The following NRG1 variants were observed in gnomAD, a reference collection of about 807,000 sequenced individuals.
NRG1 encodes the protein pro-neuregulin-1, membrane-bound isoform.
A neutral mutation model predicts 63.8 loss-of-function variants in NRG1; 18 were observed. The ratio of observed to expected loss-of-function variants is 0.28; its 90% CI spans 0.19 to 0.42. The LOEUF is 0.42. Ranked by LOEUF, NRG1 falls within the 10% of genes least tolerant of loss-of-function variation. The probability of loss-of-function intolerance (pLI) is 1.00; values close to 1 mark genes in which losing one functional copy is unlikely to be tolerated. For synonymous variants in NRG1, 302 were observed against 301.3 expected (o/e 1.00, Z -0.02); for missense variants, 762 against 814.7 (o/e 0.94, Z 0.79).
At chr8:32,217,736 T>C (rs1356676938) in intron 1 of NRG1, among the ~76,000 whole-genome samples, 1 of 152,194 alleles carries the variant, frequency 6.6e-6, no homozygotes. Flanking sequence ...TTTTAAAAAC[T>C]CAACTTACAA....
chr8:31,647,498 C>T (rs1168569404), intron 1 of NRG1, among the ~76,000 whole-genome samples: 3 of 152,286 alleles, frequency 2.0e-5, no homozygotes, highest in African/African-American at 2.4e-5. Flanking sequence ...GGGAGCATCC[C>T]GTCTGTACCT....
intron 1 of NRG1, among the ~76,000 whole-genome samples, chr8:31,734,675 TC>T (rs1232751880): frequency 2.0e-5 from 3 of 152,178 alleles, no homozygotes; most frequent in African/African-American, 7.2e-5. Flanking sequence ...CATTATATTT[TC>T]CCCCAGTTTT....
intron 5 of NRG1, among the ~76,000 whole-genome samples, chr8:32,718,544 A>G (rs1379623202): frequency 6.6e-6 from 1 of 152,150 alleles, no homozygotes; most frequent in Non-Finnish European, 1.5e-5. Flanking sequence ...TTCATGGCCT[A>G]CATATTAAAC....
intron 1 of NRG1, among the ~76,000 whole-genome samples, chr8:32,419,655 A>C (rs6981950): frequency 0.26 from 40,066 of 152,154 alleles, 5,569 homozygotes; most frequent in Middle Eastern, 0.35. Context: ...TTTTTTTGTT[A>C]ATAGATTTTA....
intron 1 of NRG1, among the ~76,000 whole-genome samples, chr8:32,399,144 GATT>G (rs1391499667): frequency 6.6e-6 from 1 of 152,060 alleles, no homozygotes; most frequent in African/African-American, 2.4e-5. Flanking sequence ...ATCTTGCCCT[GATT>G]ATTTTTTCAT....
chr8:32,582,696 C>T (rs1840881262), intron 1 of NRG1, among the ~76,000 whole-genome samples: 2 of 152,182 alleles, frequency 1.3e-5, no homozygotes, highest in Non-Finnish European at 1.5e-5. Flanking sequence ...AACCTGACTT[C>T]AAAGCCCAAG....
At chr8:31,866,273 CTGAGGAAAA>C (rs1447641878) in intron 1 of NRG1, among the ~76,000 whole-genome samples, 6 of 152,094 alleles carry the variant, frequency 3.9e-5, no homozygotes, top group African/African-American at 1.4e-4. Context: ...TGAGAGGGGA[CTGAGGAAAA>C]GTATTGCCCA....
intron 1 of NRG1, among the ~76,000 whole-genome samples, chr8:32,004,705 C>G (rs1246904345): frequency 7.2e-5 from 11 of 151,808 alleles, no homozygotes; most frequent in African/African-American, 2.7e-4. Context: ...AGGTATATTA[C>G]TTATAAATAA....
chr8:32,196,341 G>A (rs1842950263), intron 1 of NRG1, among the ~76,000 whole-genome samples: 1 of 152,182 alleles, frequency 6.6e-6, no homozygotes, highest in Admixed American at 6.5e-5. Context: ...TGTAGGGATA[G>A]GCTGATGAGA....
At chr8:32,088,369 G>C (rs1344439099) in intron 1 of NRG1, among the ~76,000 whole-genome samples, 1 of 152,092 alleles carries the variant, frequency 6.6e-6, no homozygotes, top group Non-Finnish European at 1.5e-5. Flanking sequence ...GGATTATATG[G>C]GTAAACATTG....
intron 1 of NRG1, among the ~76,000 whole-genome samples, chr8:31,694,740 A>G (rs1181614254): frequency 6.6e-6 from 1 of 152,210 alleles, no homozygotes; most frequent in Non-Finnish European, 1.5e-5. Context: ...GGGGGCTACA[A>G]TTCTCTTCTG....
At chr8:32,181,374 C>CTAT (rs1841414280) in intron 1 of NRG1, among the ~76,000 whole-genome samples, 1 of 152,156 alleles carries the variant, frequency 6.6e-6, no homozygotes, top group Non-Finnish European at 1.5e-5. Flanking sequence ...TTTATTATCA[C>CTAT]TATTAGTTTT....
intron 1 of NRG1, among the ~76,000 whole-genome samples, chr8:32,516,146 C>G (rs1157077734): frequency 6.6e-6 from 1 of 152,114 alleles, no homozygotes; most frequent in Non-Finnish European, 1.5e-5. Flanking sequence ...ATCCCAATAC[C>G]ATTTATTGAA....
intron 1 of NRG1, among the ~76,000 whole-genome samples, chr8:31,992,336 T>C (rs1167246041): frequency 6.6e-6 from 1 of 151,952 alleles, no homozygotes; most frequent in Non-Finnish European, 1.5e-5. Flanking sequence ...AGAGCAGAAA[T>C]GTCTGATGTT....
intron 5 of NRG1, among the ~76,000 whole-genome samples, chr8:32,691,954 C>G (rs967158292): frequency 6.6e-6 from 1 of 152,182 alleles, no homozygotes; most frequent in Non-Finnish European, 1.5e-5. Context: ...ATAATCTTCA[C>G]AGCTAGTAGT....
At chr8:31,992,970 C>A (rs1405194464) in intron 1 of NRG1, among the ~76,000 whole-genome samples, 2 of 151,956 alleles carry the variant, frequency 1.3e-5, no homozygotes, top group Non-Finnish European at 2.9e-5. Context: ...ATTACCCAAA[C>A]AATTAGTCAG....
At position 32,048,462 on chromosome 8, in the gene NRG1, T is replaced by C. The variant is rs956069475; in HGVS notation, c.37+409031T>C. 5.4e-4 allele frequency among the ~76,000 whole-genome samples: 46 copies of C among 84,848 alleles called. 1 individual carries two copies. The highest frequency in any genetic ancestry group is 1.9e-3 in the African/African-American group (43 of 22,938). The allele number at this position is 84,848 out of a possible 152,430, so 55.7% of individuals were successfully genotyped here. ...ATATACATACATATATATATATATATATATATATATATATATATATATAGT... is the reference window on the plus strand; with the variant it reads ...ATATACATACATATATATATATATACATATATATATATATATATATATAGT... On this transcript the variant is annotated intron_variant, in intron 1 of 10. Transcript: ENST00000519301.
At chr8:31,785,871 T>C (rs993266864) in intron 1 of NRG1, among the ~76,000 whole-genome samples, 1 of 152,206 alleles carries the variant, frequency 6.6e-6, no homozygotes, top group Non-Finnish European at 1.5e-5. Context: ...TGCACAAGTT[T>C]CCTGCTTAGC....
At chr8:31,762,799 A>G (rs960759968) in intron 1 of NRG1, among the ~76,000 whole-genome samples, 1 of 152,226 alleles carries the variant, frequency 6.6e-6, no homozygotes, top group Non-Finnish European at 1.5e-5. Flanking sequence ...TATGCAATTT[A>G]TTTAAGAAAA....
Sources: allele counts gnomAD v4.1 joint callset (sites outside exome capture counted in the v4.1 genomes callset), GRCh38; gene constraint gnomAD v4.1.1; transcripts MANE v1.5; gene names NCBI Gene and HGNC (gene_info 2026-07-23, HGNC 2026-07-21).